The following POU2F3 variants were observed in gnomAD, a reference collection of about 807,000 sequenced individuals.
POU2F3 encodes POU domain, class 2, transcription factor 3.
A neutral mutation model predicts 59.2 loss-of-function variants in POU2F3; 23 were observed. That is an observed-to-expected ratio of 0.39 (90% CI 0.28 to 0.55). POU2F3 has a LOEUF of 0.55. Ranked by LOEUF, POU2F3 falls within the 20% of genes least tolerant of loss-of-function variation. The probability of loss-of-function intolerance (pLI) is 0.66; values close to 1 mark genes in which losing one functional copy is unlikely to be tolerated. For synonymous variants in POU2F3, 190 were observed against 214.6 expected, an observed-to-expected ratio of 0.89 and a Z score of 1.00; for missense variants, 473 against 544.5, an observed-to-expected ratio of 0.87 and a Z score of 1.31.
intron 2 of POU2F3, among the ~76,000 whole-genome samples, chr11:120,264,468 T>C (rs1939738580): frequency 6.6e-6 from 1 of 152,136 alleles, no homozygotes; most frequent in Admixed American, 6.5e-5. Context: ...ACTTTTAAGT[T>C]GGGTCTTGAA....
chr11:120,287,696 G>A (rs1940834773), intron 3 of POU2F3, among the ~76,000 whole-genome samples: 1 of 152,108 alleles, frequency 6.6e-6, no homozygotes, highest in African/African-American at 2.4e-5. Flanking sequence ...CTTGTGCCTA[G>A]AGCCCTGTCC....
chr11:120,287,470 C>G (rs1940823908), intron 3 of POU2F3, among the ~76,000 whole-genome samples: 1 of 152,134 alleles, frequency 6.6e-6, no homozygotes, highest in Admixed American at 6.5e-5. Context: ...ATAAGGAAAG[C>G]CCTCCCTGGA....
rs142990501 is a variant in POU2F3 at position 120,259,978 on chromosome 11, G to A, written c.98-9232G>A. Among the ~76,000 whole-genome samples the A allele has an allele frequency of 7.9e-3, 1,208 of 152,326 alleles. 21 individuals are homozygous for A. The highest frequency in any genetic ancestry group is 8.2e-3 in the Non-Finnish European group (561 of 68,034). On this transcript the variant is annotated intron_variant, in intron 2 of 12. Coordinates refer to ENST00000543440, the MANE Select transcript of POU2F3 (RefSeq NM_014352.4). ...ATTTGTTCTGGTGGCTGGCTGCTGA[G>A]GAGCGCTTCCAAGGTCCCAGTAGCT...
intron 8 of POU2F3, among the ~76,000 whole-genome samples, chr11:120,307,181 C>T (rs2135118467): frequency 6.6e-6 from 1 of 152,382 alleles, no homozygotes; most frequent in African/African-American, 2.4e-5. Flanking sequence ...GAGCATCCCT[C>T]AGCTGTGACC....
At chr11:120,288,988 T>C (rs1565377353) in intron 3 of POU2F3, among the ~76,000 whole-genome samples, 1 of 152,204 alleles carries the variant, frequency 6.6e-6, no homozygotes, top group South Asian at 2.1e-4. Flanking sequence ...TGTAACATTC[T>C]ATATAGACAC....
At chr11:120,237,532 A>G (rs948184311), upstream of POU2F3, among the ~76,000 whole-genome samples, 5 of 152,158 alleles carry the variant, frequency 3.3e-5, no homozygotes, top group Non-Finnish European at 7.3e-5. Context: ...ATTATCAAAT[A>G]TGGGCCTCTC....
intron 10 of POU2F3, among the ~76,000 whole-genome samples, chr11:120,314,600 A>G (rs1941734583): frequency 6.6e-6 from 1 of 152,340 alleles, no homozygotes; most frequent in Admixed American, 6.5e-5. Context: ...GGGTTAGATA[A>G]CTTGCCCAAA....
chr11:120,265,058 C>T (rs1939769219), intron 2 of POU2F3, among the ~76,000 whole-genome samples: 2 of 152,280 alleles, frequency 1.3e-5, no homozygotes, highest in South Asian at 4.2e-4. Context: ...TCTGCAGTTC[C>T]CAGGTACCAC....
chr11:120,237,344 C>T (rs183072863), upstream of POU2F3, among the ~76,000 whole-genome samples: 202 of 152,180 alleles, frequency 1.3e-3, no homozygotes, highest in African/African-American at 4.6e-3. Flanking sequence ...CCTTCTGCCC[C>T]GTTCATCCTC....
At chr11:120,303,137 T>G (rs1210733061) in intron 6 of POU2F3, 1 of 152,204 alleles carries the variant, frequency 6.6e-6, no homozygotes, top group African/African-American at 2.4e-5. Flanking sequence ...AAGATCCCCA[T>G]GGCTCACCAA....
At position 120,273,763 on chromosome 11, in the gene POU2F3, C is replaced by T. The variant is rs181804888; in HGVS notation, c.132+4519C>T. ...AGGCGCAGTGGCTCATATCTGTAAT[C>T]CCAACACTTAGGGAGGCCTAGGTGG... is the stretch of plus-strand genomic sequence containing the variant. On this transcript the variant is annotated intron_variant, in intron 3 of 12. Coordinates refer to ENST00000543440, the MANE Select transcript of POU2F3 (RefSeq NM_014352.4). Among the ~76,000 whole-genome samples the T allele has an allele frequency of 4.6e-5, 7 of 152,242 alleles. No individual in the cohort carries two copies. In the East Asian group the frequency reaches 1.4e-3, roughly 29 times the overall value.
At chr11:120,246,230 G>A (rs779317029) in intron 1 of POU2F3, among the ~76,000 whole-genome samples, 1 of 152,132 alleles carries the variant, frequency 6.6e-6, no homozygotes. Flanking sequence ...CGGGGAAAGG[G>A]GAAGAGAAAG....
rs1025695406 is a variant in POU2F3, at chr11:120,305,249, C to T, written c.627+37C>T. 14 of 1,597,760 alleles carry T rather than the reference C, an allele frequency of 8.8e-6. 1 individual carries two copies. The East Asian group carries it at 9.0e-5, about 10-fold the overall frequency. ...GGGGAAAAGATAGAAGAAGTCTAGC[C>T]GAGCGGCTGGAGACTGGGCTTCCCA... On this transcript the variant is annotated intron_variant, in intron 7 of 12. Coordinates refer to ENST00000543440, the MANE Select transcript of POU2F3 (RefSeq NM_014352.4).
At position 120,298,347 on chromosome 11, in the gene POU2F3, T is replaced by C. The variant is rs1324522424; in HGVS notation, c.215T>C (p.Met72Thr). 6.2e-7 allele frequency: 1 copy of C among 1,613,942 alleles called. No individual in the cohort carries two copies. Among genetic ancestry groups the C allele is most frequent in the East Asian group, 2.2e-5 (1 of 44,858 alleles). The change falls in exon 4 of 13, where the codon ATG (methionine) becomes ACG (threonine). Residue 72 changes from methionine (M) to threonine (T), a missense_variant. Coordinates refer to ENST00000543440, the MANE Select transcript of POU2F3 (RefSeq NM_014352.4). ...CACCTGAGTCAAGGACCTGCCATGA[T>C]GTCCGGAAACCAAATGTCTGGGCTA... is the stretch of plus-strand genomic sequence containing the variant. ...PCHLSQGPAM[M>T]SGNQMSGLNA...
At chr11:120,295,790 G>A (rs767603346) in intron 3 of POU2F3, among the ~76,000 whole-genome samples, 28 of 152,118 alleles carry the variant, frequency 1.8e-4, no homozygotes, top group Non-Finnish European at 3.4e-4. Flanking sequence ...TGTTTTTTGA[G>A]TTTTCTGAAT....
intron 3 of POU2F3, among the ~76,000 whole-genome samples, chr11:120,271,048 C>T (rs371972739): frequency 4.6e-5 from 7 of 152,328 alleles, no homozygotes; most frequent in African/African-American, 1.4e-4. Flanking sequence ...ACATTCTTCA[C>T]AGTCAGAGAG....
chr11:120,271,441 G>T (rs1161348622), intron 3 of POU2F3, among the ~76,000 whole-genome samples: 1 of 152,256 alleles, frequency 6.6e-6, no homozygotes, highest in Non-Finnish European at 1.5e-5. Flanking sequence ...ATCCTAAACA[G>T]GTTGGGATGT....
Position 120,305,759 on chromosome 11 carries a change from T to C in POU2F3, c.743T>C (p.Leu248Pro), listed in dbSNP as rs1565386874. 6.2e-7 allele frequency: 1 copy of C among 1,613,788 alleles called. No individual in the cohort carries two copies. Among genetic ancestry groups the C allele is most frequent in the Non-Finnish European group, 8.5e-7 (1 of 1,180,004 alleles). The change falls in exon 8 of 13, where the codon CTG (leucine) becomes CCG (proline). Residue 248 changes from leucine (L) to proline (P), a missense_variant. Coordinates refer to ENST00000543440, the MANE Select transcript of POU2F3 (RefSeq NM_014352.4). ...SFKNMCKLKP[L>P]LEKWLNDAES... ...AAGAACATGTGCAAGCTCAAGCCCC[T>C]GCTGGAGAAGTGGCTGAATGATGCA...
At chr11:120,239,648 A>G (rs1287945952), upstream of POU2F3, among the ~76,000 whole-genome samples, 1 of 152,202 alleles carries the variant, frequency 6.6e-6, no homozygotes, top group South Asian at 2.1e-4. Flanking sequence ...GCTCAGCCCA[A>G]TAGGGAACCC....
Sources: gnomAD v4.1 joint callset for allele counts (sites outside exome capture counted in the v4.1 genomes callset) on GRCh38, gnomAD v4.1.1 for gene constraint, MANE v1.5 for transcripts, NCBI Gene and HGNC (gene_info 2026-07-23, HGNC 2026-07-21) for gene names.